DPY19L1: variants seen among roughly 807,000 people sequenced by gnomAD.
DPY19L1 encodes the protein dpy-19 like C-mannosyltransferase 1, also known as protein C-mannosyl-transferase DPY19L1.
Under a neutral mutation model 96.9 loss-of-function variants are expected in DPY19L1, and 35 were observed. The observed-to-expected ratio is 0.36, with a 90% CI of 0.28 to 0.48. The LOEUF (loss-of-function observed/expected upper bound fraction) is 0.48, where lower values mean the gene tolerates loss of function less well. Among genes scored for constraint, DPY19L1 ranks in the 20% least tolerant of loss-of-function variants. The pLI, the probability that DPY19L1 is intolerant of heterozygous loss-of-function variation, is 0.99. For synonymous variants in DPY19L1, 205 were observed against 252.6 expected (o/e 0.81, Z 1.79); for missense variants, 521 against 777.9 (o/e 0.67, Z 3.93).
intron 16 of DPY19L1, among the ~76,000 whole-genome samples, chr7:34,945,107 T>A (rs1784114792): frequency 1.3e-5 from 2 of 152,082 alleles, no homozygotes; most frequent in Admixed American, 6.5e-5. Context: ...GGGTCACACA[T>A]CAACATTTAA....
chr7:34,960,278 CA>C (rs1449253872), intron 10 of DPY19L1, among the ~76,000 whole-genome samples: 5 of 151,926 alleles, frequency 3.3e-5, no homozygotes, highest in Admixed American at 1.3e-4. Context: ...TGTTCAACAT[CA>C]AATCTTCAGA....
At position 34,958,333 on chromosome 7, in the gene DPY19L1, C is replaced by T. The variant is rs192115580; in HGVS notation, c.1093-263G>A. On this transcript the variant is annotated intron_variant, in intron 10 of 21. Coordinates refer to ENST00000638088, the MANE Select transcript of DPY19L1 (RefSeq NM_001366673.1). ...CACAAATGGACACTTACCCCACAAG[C>T]TGTACTATTTCTTGCTTTTATTCGT... Among the ~76,000 whole-genome samples, 713 of 152,306 alleles carry T rather than the reference C, an allele frequency of 4.7e-3. 5 individuals carry two copies. Among genetic ancestry groups the T allele is most frequent in the Non-Finnish European group, 4.8e-3 (329 of 68,026 alleles).
chr7:35,035,945 GACAA>G (rs747143114), intron 1 of DPY19L1, among the ~76,000 whole-genome samples: 17 of 151,802 alleles, frequency 1.1e-4, no homozygotes, highest in South Asian at 2.1e-4. Context: ...GCTGGAAACA[GACAA>G]ACAAACAAAC....
chr7:34,948,793 A>G (rs1252871336), intron 14 of DPY19L1, among the ~76,000 whole-genome samples: 3 of 152,374 alleles, frequency 2.0e-5, no homozygotes, highest in Middle Eastern at 3.4e-3. Context: ...TAAAACTCAT[A>G]TACCTTTGTC....
chr7:35,037,693 G>A (rs182373738), upstream of DPY19L1: 1,147 of 398,302 alleles, frequency 2.9e-3, 12 homozygotes, highest in African/African-American at 0.024. Flanking sequence ...GACACCCTGC[G>A]AGCGGCCGCG....
chr7:34,980,992 T>C (rs1337399224), intron 7 of DPY19L1, among the ~76,000 whole-genome samples: 1 of 152,064 alleles, frequency 6.6e-6, no homozygotes, highest in Non-Finnish European at 1.5e-5. Context: ...GTGATAGAGA[T>C]AGAAGAGTTT....
intron 7 of DPY19L1, among the ~76,000 whole-genome samples, chr7:34,977,426 T>A (rs1169341562): frequency 1.3e-5 from 2 of 152,296 alleles, no homozygotes; most frequent in Non-Finnish European, 1.5e-5. Flanking sequence ...CTATAGTCAC[T>A]CAGTTCACCA....
intron 21 of DPY19L1, among the ~76,000 whole-genome samples, chr7:34,935,063 C>G (rs35932141): frequency 4.6e-5 from 7 of 152,308 alleles, no homozygotes; most frequent in Admixed American, 2.6e-4. Context: ...GGTTTCTACT[C>G]ACATGGAACA....
At chr7:35,010,647 T>C (rs1387699421) in intron 5 of DPY19L1, 86 bp from the exon 6 acceptor site, 4 of 931,314 alleles carry the variant, frequency 4.3e-6, no homozygotes, top group Non-Finnish European at 6.7e-6. Flanking sequence ...ATTGTGTTCA[T>C]TTTGAAAATG....
chr7:34,934,184 C>T (rs1009111692), intron 21 of DPY19L1, among the ~76,000 whole-genome samples: 1 of 152,006 alleles, frequency 6.6e-6, no homozygotes, highest in Non-Finnish European at 1.5e-5. Context: ...AAGATGGTCT[C>T]GATCTCCTGA....
At chr7:35,004,180 A>G (rs1251786215) in intron 6 of DPY19L1, among the ~76,000 whole-genome samples, 1 of 152,246 alleles carries the variant, frequency 6.6e-6, no homozygotes, top group African/African-American at 2.4e-5. Flanking sequence ...CGCTTTAACC[A>G]GCCACTCCAA....
intron 1 of DPY19L1, among the ~76,000 whole-genome samples, chr7:35,022,411 C>G (rs191351464): frequency 6.6e-6 from 1 of 152,172 alleles, no homozygotes. Context: ...ACAGAAATTA[C>G]CTACAACCTA....
intron 13 of DPY19L1, among the ~76,000 whole-genome samples, chr7:34,952,450 T>A (rs939900932): frequency 6.6e-6 from 1 of 152,126 alleles, no homozygotes; most frequent in Non-Finnish European, 1.5e-5. Context: ...ACTGTTAAAT[T>A]CTACCAAACA....
chr7:34,978,868 T>G (rs1340679845), intron 7 of DPY19L1, among the ~76,000 whole-genome samples: 1 of 152,124 alleles, frequency 6.6e-6, no homozygotes, highest in Non-Finnish European at 1.5e-5. Flanking sequence ...CAAAAAGTTT[T>G]GGACTTTTTG....
chr7:34,931,785 AAGC>A, intron 21 of DPY19L1, 56 bp from the exon 22 acceptor site: 2 of 1,523,640 alleles, frequency 1.3e-6, no homozygotes, highest in Non-Finnish European at 1.8e-6. Flanking sequence ...ACTGCAGAGA[AAGC>A]AGAGCACTTC....
At position 35,037,463 on chromosome 7, in the gene DPY19L1, C is replaced by G; in HGVS notation, c.-69G>C. 1 of 308,998 alleles carries G rather than the reference C, an allele frequency of 3.2e-6. No individual in the cohort carries two copies. The allele number at this position is 308,998 out of a possible 1,614,324, so 19.1% of individuals were successfully genotyped here. ...GCCAGAGAACGGCGGGCTGGCTGGG[C>G]GGCTGGGCGCAGCTCACTCTCCAGC... On this transcript the variant is annotated 5_prime_UTR_variant, in exon 1 of 22. Coordinates refer to ENST00000638088, the MANE Select transcript of DPY19L1 (RefSeq NM_001366673.1).
chr7:34,981,494 TAAAAG>T (rs922150563), intron 7 of DPY19L1, among the ~76,000 whole-genome samples: 8 of 152,046 alleles, frequency 5.3e-5, no homozygotes, highest in African/African-American at 1.9e-4. Flanking sequence ...ACCTATTAAT[TAAAAG>T]AAAAAAGGGC....
intron 6 of DPY19L1, among the ~76,000 whole-genome samples, chr7:34,997,436 CAA>C (rs397836742): frequency 0.25 from 23,000 of 91,680 alleles, 2,148 homozygotes; most frequent in Non-Finnish European, 0.28. Flanking sequence ...ACTAAAAATA[CAA>C]AAAAAAAAAA....
At chr7:35,030,178 A>C (rs139555212) in intron 1 of DPY19L1, among the ~76,000 whole-genome samples, 1 of 152,388 alleles carries the variant, frequency 6.6e-6, no homozygotes, top group African/African-American at 2.4e-5. Context: ...TCTGCTGTTG[A>C]CAACTCCAAC....
Sources: gnomAD v4.1 joint callset for allele counts (sites outside exome capture counted in the v4.1 genomes callset) on GRCh38, gnomAD v4.1.1 for gene constraint, MANE v1.5 for transcripts, NCBI Gene and HGNC (gene_info 2026-07-23, HGNC 2026-07-21) for gene names.